Variants in ODAD2 observed in about 807,000 individuals in gnomAD.
The protein encoded by ODAD2 is outer dynein arm docking complex subunit 2.
In ODAD2, 89 loss-of-function variants were observed where a neutral mutation model predicts 106.8. The ratio of observed to expected loss-of-function variants is 0.83; its 90% CI spans 0.70 to 0.99. The LOEUF (loss-of-function observed/expected upper bound fraction) is 0.99. Among genes scored for constraint, ODAD2 ranks in the 50% least tolerant of loss-of-function variants. The probability of loss-of-function intolerance (pLI) is 0.00; values close to 1 mark genes in which losing one functional copy is unlikely to be tolerated. For missense variants in ODAD2, 1,168 were observed against 1,238.5 expected, an observed-to-expected ratio of 0.94 and a Z score of 0.85; for synonymous variants, 404 against 436.2, an observed-to-expected ratio of 0.93 and a Z score of 0.92.
At chr10:27,961,498 G>A (rs74127170) in intron 10 of ODAD2, 70 bp downstream of exon 10, 3 of 1,170,390 alleles carry the variant, frequency 2.6e-6, no homozygotes, top group Non-Finnish European at 3.7e-6. Flanking sequence ...AAACTTGGAA[G>A]CAGCATATAC....
intron 13 of ODAD2, 141 bp downstream of exon 13, chr10:27,940,422 C>T: frequency 1.1e-6 from 1 of 894,690 alleles, no homozygotes; most frequent in Non-Finnish European, 1.7e-6. Flanking sequence ...AACGTCCTAT[C>T]AGTTGGATCT....
intron 9 of ODAD2, among the ~76,000 whole-genome samples, chr10:27,966,845 C>T (rs1433765862): frequency 6.6e-6 from 1 of 151,538 alleles, no homozygotes. Flanking sequence ...ATTTCTCCCA[C>T]CAAGCACAAC....
At chr10:27,940,946 T>C in intron 12 of ODAD2, 141 bp from the exon 13 acceptor site, 3 of 880,686 alleles carry the variant, frequency 3.4e-6, no homozygotes, top group African/African-American at 1.7e-5. Flanking sequence ...TCGTACTCCA[T>C]AGCAGCCACG....
intron 19 of ODAD2, among the ~76,000 whole-genome samples, chr10:27,850,377 A>C (rs540420510): frequency 1.7e-4 from 26 of 149,412 alleles, no homozygotes; most frequent in African/African-American, 6.4e-4. Flanking sequence ...CCTGGGAGGC[A>C]GAGCTTGCAG....
chr10:27,900,841 G>T (rs899958891), intron 17 of ODAD2, among the ~76,000 whole-genome samples: 6 of 152,164 alleles, frequency 3.9e-5, no homozygotes, highest in Non-Finnish European at 7.3e-5. Flanking sequence ...CTTTTGATTG[G>T]TGTACCTGAA....
rs1053452483 is a variant in ODAD2, at chr10:27,974,695, T to G, written c.937-3382A>C. Among the ~76,000 whole-genome samples, 7 of 151,644 alleles carry G rather than the reference T, an allele frequency of 4.6e-5. No individual in the cohort carries two copies. In the East Asian group the frequency reaches 7.7e-4, roughly 17 times the overall value. On this transcript the variant is annotated intron_variant, in intron 7 of 19. Transcript: ENST00000305242. ...CCAGCTTCGGTCTGTTTTTGTTTTT[T>G]TTTTTTTTGCTTAGGATTGCCTTGG...
In ODAD2 at chr10:27,833,434, T is replaced by C. The variant is rs191616658; in HGVS notation, c.3022-20809A>G. ...CTCTAGCAGCACGGAAAATACAGCATTGGAAATAAAATGCATCGTAGGAAC... is the reference window on the plus strand; with the variant it reads ...CTCTAGCAGCACGGAAAATACAGCACTGGAAATAAAATGCATCGTAGGAAC... On this transcript the variant is annotated intron_variant, in intron 19 of 19. Transcript: ENST00000305242. 1.6e-4 allele frequency among the ~76,000 whole-genome samples: 25 copies of C among 152,170 alleles called. No homozygotes were observed. In the East Asian group the frequency reaches 3.7e-3, roughly 22 times the overall value.
At chr10:27,936,587 C>T (rs1845989034) in intron 15 of ODAD2, 139 bp downstream of exon 15, 4 of 1,005,178 alleles carry the variant, frequency 4.0e-6, no homozygotes, top group Non-Finnish European at 6.0e-6. Context: ...CTAAGAATCC[C>T]TTCATTGGGC....
chr10:27,929,458 C>T (rs187409828), intron 16 of ODAD2, among the ~76,000 whole-genome samples: 12 of 152,214 alleles, frequency 7.9e-5, no homozygotes, highest in Admixed American at 2.6e-4. Flanking sequence ...AGATGACTCT[C>T]CCTAATGATG....
chr10:27,846,830 T>C (rs1838802446), intron 19 of ODAD2, among the ~76,000 whole-genome samples: 2 of 150,812 alleles, frequency 1.3e-5, no homozygotes, highest in Admixed American at 1.3e-4. Context: ...CTAGAAGAAA[T>C]GGATAAATTC....
chr10:27,859,507 TCTAGATTTGA>T (rs1179958500), intron 19 of ODAD2, among the ~76,000 whole-genome samples: 2 of 152,176 alleles, frequency 1.3e-5, no homozygotes, highest in Non-Finnish European at 2.9e-5. Context: ...ATCTAGCATA[TCTAGATTTGA>T]CTAGATATGA....
At chr10:27,864,644 G>T (rs984933657) in intron 17 of ODAD2, among the ~76,000 whole-genome samples, 1 of 151,102 alleles carries the variant, frequency 6.6e-6, no homozygotes, top group Admixed American at 6.6e-5. Flanking sequence ...GAGGAGTGGG[G>T]TGATAGTGGG....
At chr10:27,948,763 C>T (rs1349516391) in intron 10 of ODAD2, among the ~76,000 whole-genome samples, 10 of 135,954 alleles carry the variant, frequency 7.4e-5, no homozygotes, top group African/African-American at 2.4e-4. Flanking sequence ...CATCTCCAGG[C>T]TCTGTTGGCC....
At chr10:27,954,525 GA>G (rs1383207661) in intron 10 of ODAD2, among the ~76,000 whole-genome samples, 1 of 149,074 alleles carries the variant, frequency 6.7e-6, no homozygotes, top group Non-Finnish European at 1.5e-5. Context: ...ATGAATGAAT[GA>G]ATGAGTTGAA....
At chr10:27,933,509 G>A (rs79270712) in intron 16 of ODAD2, among the ~76,000 whole-genome samples, 3,590 of 152,154 alleles carry the variant, frequency 0.024, 118 homozygotes, top group African/African-American at 0.072. Flanking sequence ...AAAGGGAGGC[G>A]GAGACTAGAG....
At chr10:27,988,623 C>T (rs1389043482) in intron 2 of ODAD2, among the ~76,000 whole-genome samples, 1 of 152,084 alleles carries the variant, frequency 6.6e-6, no homozygotes, top group African/African-American at 2.4e-5. Flanking sequence ...CAGGCGTGAG[C>T]TACCACACCT....
intron 19 of ODAD2, among the ~76,000 whole-genome samples, chr10:27,838,761 A>AT (rs144080867): frequency 0.054 from 8,222 of 152,228 alleles, 323 homozygotes; most frequent in East Asian, 0.17. Flanking sequence ...TTATTTTACC[A>AT]TACTGTTTGT....
At chr10:27,890,021 A>G (rs1842458055) in intron 17 of ODAD2, among the ~76,000 whole-genome samples, 1 of 152,252 alleles carries the variant, frequency 6.6e-6, no homozygotes, top group African/African-American at 2.4e-5. Context: ...CCATGGAACA[A>G]AACTGCACTT....
At chr10:27,962,186 G>C (rs1334632408) in intron 9 of ODAD2, among the ~76,000 whole-genome samples, 4 of 151,906 alleles carry the variant, frequency 2.6e-5, no homozygotes, top group Non-Finnish European at 5.9e-5. Context: ...AAATAAACAA[G>C]GGTATTCAGT....
Sources: allele counts gnomAD v4.1 joint callset (sites outside exome capture counted in the v4.1 genomes callset), GRCh38; gene constraint gnomAD v4.1.1; transcripts MANE v1.5; gene names NCBI Gene and HGNC (gene_info 2026-07-23, HGNC 2026-07-21).